Variants in PXMP4 observed in about 807,000 individuals in gnomAD.
PXMP4 encodes the protein peroxisomal membrane protein 4.
In PXMP4, 16 loss-of-function variants were observed where a neutral mutation model predicts 21.6. That is an observed-to-expected ratio of 0.74 (90% CI 0.50 to 1.13). PXMP4 has a LOEUF of 1.13. Among genes scored for constraint, PXMP4 ranks in the 50% most tolerant of loss-of-function variants. The probability of loss-of-function intolerance (pLI) is 0.00; values close to 1 mark genes in which losing one functional copy is unlikely to be tolerated. For missense variants in PXMP4, 240 were observed against 277.7 expected (o/e 0.86, Z 0.96); for synonymous variants, 127 against 123.8 (o/e 1.03, Z -0.17).
At chr20:33,716,451 C>T (rs2018384478) in intron 1 of PXMP4, among the ~76,000 whole-genome samples, 1 of 152,258 alleles carries the variant, frequency 6.6e-6, no homozygotes, top group African/African-American at 2.4e-5. Flanking sequence ...CTTCCGGTCT[C>T]AGCTGGGCCC....
Position 33,720,276 on chromosome 20 carries a change from G to T in PXMP4, c.-69C>A, listed in dbSNP as rs990883205. ...ACTGACAGCCGGAGGTTCCAGCTGCGCGCCCACAGCCCCTCGGTAGCGCCG... is the reference window on the plus strand; with the variant it reads ...ACTGACAGCCGGAGGTTCCAGCTGCTCGCCCACAGCCCCTCGGTAGCGCCG... On this transcript the variant is annotated 5_prime_UTR_variant, in exon 1 of 4. Transcript: ENST00000409299. The T allele has an allele frequency of 5.8e-6, 8 of 1,387,618 alleles. No individual in the cohort carries two copies. Among genetic ancestry groups the T allele is most frequent in the Non-Finnish European group, 7.0e-6 (7 of 1,003,632 alleles). The allele number at this position is 1,387,618 out of a possible 1,614,324, so 86.0% of individuals were successfully genotyped here.
Position 33,707,566 on chromosome 20 carries a change from A to G in PXMP4, c.*140T>C. ...AGGTACCCACTGGGATTTTAAAATC[A>G]GTGTTTTTACTTCAGCAAACGGAAC... On this transcript the variant is annotated 3_prime_UTR_variant, in exon 4 of 4. Coordinates refer to ENST00000409299, the MANE Select transcript of PXMP4 (RefSeq NM_007238.5). 2 of 1,232,826 alleles carry G rather than the reference A, an allele frequency of 1.6e-6. No homozygotes were observed. The highest frequency in any genetic ancestry group is 2.2e-6 in the Non-Finnish European group (2 of 894,404). The allele number at this position is 1,232,826 out of a possible 1,614,324, so 76.4% of individuals were successfully genotyped here. A position where few individuals can be genotyped will look rare whatever the true frequency, so the allele number is the denominator to read the frequency against.
Position 33,707,651 on chromosome 20 carries a change from G to C in PXMP4, c.*55C>G. 6.3e-7 allele frequency: 1 copy of C among 1,582,854 alleles called. No individual in the cohort carries two copies. The highest frequency in any genetic ancestry group is 8.6e-7 in the Non-Finnish European group (1 of 1,158,924). Reference sequence around the variant, plus strand: ...GATCTTGAGAAGGCAGTATCCTTTGGGAGGGTCTGCATGGGGCCAAATCTT... The same window carrying C: ...GATCTTGAGAAGGCAGTATCCTTTGCGAGGGTCTGCATGGGGCCAAATCTT... On this transcript the variant is annotated 3_prime_UTR_variant, in exon 4 of 4. Transcript: ENST00000409299.
In PXMP4 at chr20:33,705,658, A is replaced by G. The variant is rs2018250278; in HGVS notation, c.*2048T>C. 6.6e-6 allele frequency: 1 copy of G among 151,676 alleles called. No individual in the cohort carries two copies. Among genetic ancestry groups the G allele is most frequent in the Non-Finnish European group, 1.5e-5 (1 of 68,008 alleles). 9.4% of individuals were successfully genotyped at this position (151,676 alleles called of 1,614,324 possible). On this transcript the variant is annotated 3_prime_UTR_variant, in exon 4 of 4. Transcript: ENST00000409299. ...CTGGTACACAAGTCTCCAGTTCCCT[A>G]TGTCCCCATCACTCCTCATCGCATA...
Position 33,707,955 on chromosome 20 carries a change from C to CAGGT in PXMP4, c.386_389dup (p.Leu131ProfsTer21). On this transcript the variant is annotated frameshift_variant, in exon 4 of 4. Coordinates refer to ENST00000409299, the MANE Select transcript of PXMP4 (RefSeq NM_007238.5). LOFTEE classifies it high-confidence loss of function. ...TCAGGGCAAACAGGACGCGTGACAACAGGTACATGTTGATCTGCAAAGAGG... is the reference window on the plus strand; with the variant it reads ...TCAGGGCAAACAGGACGCGTGACAACAGGTAGGTACATGTTGATCTGCAAAGAGG... 1 of 1,613,872 alleles carries CAGGT rather than the reference C, an allele frequency of 6.2e-7. No individual in the cohort carries two copies. The highest frequency in any genetic ancestry group is 1.3e-5 in the African/African-American group (1 of 75,036).
At position 33,707,802 on chromosome 20, in the gene PXMP4, C is replaced by T. The variant is rs756230752; in HGVS notation, c.543G>A (p.Ser181=). ...FEYHRSTLQP[S]LQSSMTYLYE... is the part of the protein sequence containing the mutation. ...AGAGGTAGGTCATGGAGGACTGCAG[C>T]GAGGGCTGCAGGGTGGATCGGTGAT... The change falls in exon 4 of 4, where the codon TCG becomes TCA. Residue 181 remains serine (S), a synonymous_variant. Transcript: ENST00000409299. The T allele has an allele frequency of 5.6e-6, 9 of 1,614,046 alleles. No individual in the cohort carries two copies. Among genetic ancestry groups the T allele is most frequent in the East Asian group, 2.2e-5 (1 of 44,900 alleles).
intron 2 of PXMP4, 122 bp downstream of exon 2, chr20:33,714,552 A>G: frequency 2.9e-6 from 3 of 1,024,454 alleles, no homozygotes; most frequent in Non-Finnish European, 4.5e-6. Flanking sequence ...AAACACAACA[A>G]AAAAAGAGTT....
chr20:33,720,075 G>A lies in PXMP4; in HGVS notation c.113+20C>T. ...GCAGGACATCCCTCAGCCCCAGCCC[G>A]GCCCGACGGCCCCACTCACACAGCC... is the stretch of plus-strand genomic sequence containing the variant. On this transcript the variant is annotated intron_variant, in intron 1 of 3. Transcript: ENST00000409299. 6.2e-7 allele frequency: 1 copy of A among 1,609,850 alleles called. No homozygotes were observed. The highest frequency in any genetic ancestry group is 1.1e-5 in the South Asian group (1 of 90,960).
rs993635901 is a variant in PXMP4 at position 33,707,021 on chromosome 20, A to T, written c.*685T>A. Reference sequence around the variant, plus strand: ...AAGTGATCCTCCCACCTCAGCTGGAACCACAGGTGATGGAACCCGGCTAAT... The same window carrying T: ...AAGTGATCCTCCCACCTCAGCTGGATCCACAGGTGATGGAACCCGGCTAAT... On this transcript the variant is annotated 3_prime_UTR_variant, in exon 4 of 4. Transcript: ENST00000409299. The T allele has an allele frequency of 6.6e-6, 1 of 151,972 alleles. No homozygotes were observed. Among genetic ancestry groups the T allele is most frequent in the Non-Finnish European group, 1.5e-5 (1 of 68,056 alleles). The allele number at this position is 151,972 out of a possible 1,614,324, so 9.4% of individuals were successfully genotyped here. A position where few individuals can be genotyped will look rare whatever the true frequency, so the allele number is the denominator to read the frequency against.
intron 2 of PXMP4, among the ~76,000 whole-genome samples, chr20:33,712,684 G>A (rs1386979053): frequency 2.0e-5 from 3 of 152,060 alleles, no homozygotes; most frequent in East Asian, 1.9e-4. Context: ...AGGCTGGAGC[G>A]CAGTAGCGCA....
intron 1 of PXMP4, among the ~76,000 whole-genome samples, 198 bp downstream of exon 1, chr20:33,719,889 TGTGCAGTG>T (rs1393272152): frequency 6.6e-6 from 1 of 151,918 alleles, no homozygotes; most frequent in Non-Finnish European, 1.5e-5. Context: ...ACCCAGAAAA[TGTGCAGTG>T]GGAGCCCCAG....
chr20:33,713,002 G>A (rs985660815), intron 2 of PXMP4, among the ~76,000 whole-genome samples: 1 of 152,206 alleles, frequency 6.6e-6, no homozygotes, highest in Non-Finnish European at 1.5e-5. Flanking sequence ...CTGACCTCAA[G>A]TGTACCACCT....
In PXMP4 at chr20:33,714,756, C is replaced by T. The variant is rs2018367016; in HGVS notation, c.114-20G>A. 1 of 1,611,738 alleles carries T rather than the reference C, an allele frequency of 6.2e-7. No individual in the cohort carries two copies. The highest frequency in any genetic ancestry group is 8.5e-7 in the Non-Finnish European group (1 of 1,178,010). ...CCATAGCTGTAGAAACAGAAGAAAA[C>T]AGTTACTATAATGTCACTGTGTCGC... On this transcript the variant is annotated intron_variant, in intron 1 of 3. Transcript: ENST00000409299.
At chr20:33,708,079 T>G in intron 3 of PXMP4, 110 bp from the exon 4 acceptor site, 1 of 1,263,586 alleles carries the variant, frequency 7.9e-7, no homozygotes, top group Non-Finnish European at 1.1e-6. Flanking sequence ...AGAGCCTGGC[T>G]AGGGGTTTAT....
Position 33,707,946 on chromosome 20 carries a change from G to A in PXMP4, c.399C>T (p.Arg133=), listed in dbSNP as rs150230021. The stretch of plus-strand genomic sequence containing the variant: ...CCAGGCGGCTCAGGGCAAACAGGAC[G>A]CGTGACAACAGGTACATGTTGATCT... The part of the protein sequence containing the change: ...NSQINMYLLS[R]VLFALSRLAV... The change falls in exon 4 of 4, where the codon CGC becomes CGT. Residue 133 remains arginine (R), a synonymous_variant. Transcript: ENST00000409299. 375 of 1,614,010 alleles carry A rather than the reference G, an allele frequency of 2.3e-4. 1 individual carries two copies. In the African/African-American group the frequency reaches 3.8e-3, roughly 16 times the overall value.
rs1254318829 is a variant in PXMP4 at position 33,707,747 on chromosome 20, A to G, written c.598T>C (p.Ser200Pro). 6.2e-7 allele frequency: 1 copy of G among 1,614,024 alleles called. No homozygotes were observed. Among genetic ancestry groups the G allele is most frequent in the African/African-American group, 1.3e-5 (1 of 74,910 alleles). Residue 200 changes from serine (S) to proline (P), a missense_variant, in exon 4 of 4, where the codon TCA (serine) becomes CCA (proline). Ser to Pro is a moderately conservative substitution (Grantham distance 74, BLOSUM62 -1). Transcript: ENST00000409299. ...CTCTTGTTATAGACGAGGAAGTCTG[A>G]GATGTCGTGCCATACATTGCTGTCC... ...YEDSNVWHDISDFLVYNKSRP... is the reference protein window; with the variant it reads ...YEDSNVWHDIPDFLVYNKSRP...
At position 33,706,714 on chromosome 20, in the gene PXMP4, TTGCCCGTCA is replaced by T. The variant is rs1180003205; in HGVS notation, c.*983_*991del. The T allele has an allele frequency of 6.6e-6, 1 of 152,174 alleles. No individual in the cohort carries two copies. Among genetic ancestry groups the T allele is most frequent in the African/African-American group, 2.4e-5 (1 of 41,432 alleles). The allele number at this position is 152,174 out of a possible 1,614,324, so 9.4% of individuals were successfully genotyped here. On this transcript the variant is annotated 3_prime_UTR_variant, in exon 4 of 4. Coordinates refer to ENST00000409299, the MANE Select transcript of PXMP4 (RefSeq NM_007238.5). ...AGGATACAAGTGTTCCATATCTGTG[TTGCCCGTCA>T]CAGCAGCCACTAGCCACATGTGGCT...
In PXMP4 at chr20:33,706,449, T is replaced by C. The variant is rs998950203; in HGVS notation, c.*1257A>G. ...GCTACTTAAAAAAAAAAAATAATAA[T>C]AATATGTGGAAAACACCCAAGTGGA... On this transcript the variant is annotated 3_prime_UTR_variant, in exon 4 of 4. Transcript: ENST00000409299. 6.6e-6 allele frequency: 1 copy of C among 151,156 alleles called. No individual in the cohort carries two copies. Among genetic ancestry groups the C allele is most frequent in the African/African-American group, 2.4e-5 (1 of 41,080 alleles). The allele number at this position is 151,156 out of a possible 1,614,324, so 9.4% of individuals were successfully genotyped here.
At position 33,711,397 on chromosome 20, in the gene PXMP4, C is replaced by T. The variant is rs147529514; in HGVS notation, c.177-644G>A. On this transcript the variant is annotated intron_variant, in intron 2 of 3. Coordinates refer to ENST00000409299, the MANE Select transcript of PXMP4 (RefSeq NM_007238.5). The stretch of plus-strand genomic sequence containing the variant: ...CAGAGGGCTCAGCACGTGCCACGCC[C>T]GGAGGAGGGTCAGGGAGTATGAGGA... Among the ~76,000 whole-genome samples the T allele has an allele frequency of 1.1e-4, 17 of 152,188 alleles. 1 individual carries two copies. Among genetic ancestry groups the T allele is most frequent in the South Asian group, 4.1e-4 (2 of 4,820 alleles).
Sources: allele counts gnomAD v4.1 joint callset (sites outside exome capture counted in the v4.1 genomes callset), GRCh38; gene constraint gnomAD v4.1.1; transcripts MANE v1.5; gene names NCBI Gene and HGNC (gene_info 2026-07-23, HGNC 2026-07-21).